KIF1B: variants seen among roughly 807,000 people sequenced by gnomAD.
The protein encoded by KIF1B is kinesin family member 1B, also known as kinesin-like protein KIF1B.
KIF1B carries 76 observed loss-of-function variants against 241.9 expected under a neutral mutation model. The observed-to-expected ratio is 0.31, with a 90% CI of 0.26 to 0.38. The LOEUF (loss-of-function observed/expected upper bound fraction) is 0.38, where lower values mean the gene tolerates loss of function less well. Among genes scored for constraint, KIF1B ranks in the 10% least tolerant of loss-of-function variants. The pLI, the probability that KIF1B is intolerant of heterozygous loss-of-function variation, is 1.00. For synonymous variants in KIF1B, 750 were observed against 796.7 expected (o/e 0.94, Z 0.99); for missense variants, 1,622 against 2,271.4 (o/e 0.71, Z 5.81).
Position 10,321,455 on chromosome 1 carries a change from AG to A in KIF1B, c.2210-253del, listed in dbSNP as rs529109741. Among the ~76,000 whole-genome samples the A allele has an allele frequency of 1.6e-4, 25 of 152,290 alleles. No homozygotes were observed. The South Asian group carries it at 5.2e-3, about 32-fold the overall frequency. ...CATGTTATACCTTTTTTTAAAAAAA[AG>A]AAAAATTTATTTCTTTGTTGTACTA... On this transcript the variant is annotated intron_variant, in intron 23 of 48. Coordinates refer to ENST00000676179, the MANE Select transcript of KIF1B (RefSeq NM_001365951.3).
At chr1:10,330,181 T>C (rs980214008) in intron 27 of KIF1B, among the ~76,000 whole-genome samples, 3 of 152,220 alleles carry the variant, frequency 2.0e-5, no homozygotes. Context: ...AGAGTAATTA[T>C]GAAAATTCTG....
chr1:10,365,300 G>T lies in KIF1B; in HGVS notation c.4512+55G>T. ...AGAACTCTCGGACAAGATTGCCAAAGTATCAGTCTTCCTCCCCGCTGCTGC... is the reference window on the plus strand; with the variant it reads ...AGAACTCTCGGACAAGATTGCCAAATTATCAGTCTTCCTCCCCGCTGCTGC... On this transcript the variant is annotated intron_variant, in intron 42 of 48. Transcript: ENST00000676179. The surrounding 1 kb of genome is among the most constrained non-coding windows in gnomAD (Gnocchi z 4.0). The T allele has an allele frequency of 6.2e-6, 10 of 1,613,266 alleles. No homozygotes were observed. The highest frequency in any genetic ancestry group is 8.5e-6 in the Non-Finnish European group (10 of 1,179,510).
chr1:10,341,804 A>C (rs558621652), intron 32 of KIF1B, among the ~76,000 whole-genome samples: 3 of 152,194 alleles, frequency 2.0e-5, no homozygotes, highest in African/African-American at 7.2e-5. Flanking sequence ...TACTGTCTCT[A>C]CAAAAAATTG....
At chr1:10,253,020 T>G (rs1231453389) in intron 2 of KIF1B, among the ~76,000 whole-genome samples, 1 of 152,150 alleles carries the variant, frequency 6.6e-6, no homozygotes, top group East Asian at 1.9e-4. Flanking sequence ...CCACTGTGCC[T>G]GGCCAATAAA....
rs773568203 is a variant in KIF1B at position 10,326,210 on chromosome 1, C to G, written c.2775C>G (p.Asp925Glu). ...ATTCCGACATCACTGAGCTGGCTGA[C>G]GAGCAGCAAGATGAGATGGAGGATT... Reference protein sequence around the residue: ...TADSDITELADEQQDEMEDFD... With the variant: ...TADSDITELAEEQQDEMEDFD... Residue 925 changes from aspartate (D) to glutamate (E), a missense_variant, in exon 27 of 49, where the codon GAC becomes GAG. Asp to Glu is a conservative substitution (Grantham distance 45). This residue lies in a region of KIF1B where 803 missense variants were observed against 1,112.0 expected (regional missense o/e 0.72). Coordinates refer to ENST00000676179, the MANE Select transcript of KIF1B (RefSeq NM_001365951.3). The surrounding 1 kb of genome is among the most constrained non-coding windows in gnomAD (Gnocchi z 5.2). 1.2e-6 allele frequency: 2 copies of G among 1,614,134 alleles called. No individual in the cohort carries two copies. Among genetic ancestry groups the G allele is most frequent in the South Asian group, 2.2e-5 (2 of 91,088 alleles).
At chr1:10,273,156 T>A in intron 10 of KIF1B, 125 bp downstream of exon 10, 1 of 680,194 alleles carries the variant, frequency 1.5e-6, no homozygotes, top group Non-Finnish European at 2.5e-6. Context: ...GTTCTCTGGC[T>A]CTGGAATTTA....
At chr1:10,305,662 G>A in intron 22 of KIF1B, 7 of 1,057,038 alleles carry the variant, frequency 6.6e-6, no homozygotes, top group Non-Finnish European at 8.0e-6. Flanking sequence ...TCTTTGGTTA[G>A]CATTAGTAAT....
At chr1:10,332,090 G>A (rs1425584115) in intron 27 of KIF1B, among the ~76,000 whole-genome samples, 4 of 149,992 alleles carry the variant, frequency 2.7e-5, no homozygotes, top group Non-Finnish European at 6.0e-5. Context: ...TTGAGACGAA[G>A]TCTTGCTCTT....
chr1:10,334,106 G>A (rs897043803), intron 27 of KIF1B, among the ~76,000 whole-genome samples: 4 of 139,388 alleles, frequency 2.9e-5, no homozygotes, highest in Admixed American at 7.9e-5. Flanking sequence ...AGCTGAGATC[G>A]TGCCACTGTA....
intron 5 of KIF1B, among the ~76,000 whole-genome samples, chr1:10,263,719 G>A (rs1648286959): frequency 1.3e-5 from 2 of 152,112 alleles, no homozygotes; most frequent in Admixed American, 1.3e-4. Context: ...TTTGAATCAG[G>A]TGATAGAATT....
intron 22 of KIF1B, chr1:10,306,819 T>C: frequency 9.8e-7 from 1 of 1,018,416 alleles, no homozygotes; most frequent in African/African-American, 1.7e-5. Context: ...GTTTCAACTC[T>C]GTAGCAAAAA....
Position 10,337,575 on chromosome 1 carries a change from C to A in KIF1B, c.3422+42C>A, listed in dbSNP as rs1339502689. 6.2e-7 allele frequency: 1 copy of A among 1,609,192 alleles called. No individual in the cohort carries two copies. The highest frequency in any genetic ancestry group is 1.1e-5 in the South Asian group (1 of 90,908). ...CTCTGCCTCCCAGCTAGCTGCTAAC[C>A]GAGGTGACATCTCTTGTGCACTGTA... On this transcript the variant is annotated intron_variant, in intron 31 of 48. Transcript: ENST00000676179. This position sits in a 1 kb window ranked among gnomAD's most constrained non-coding sequence, Gnocchi z 4.0.
chr1:10,315,830 T>A (rs1396480591), intron 22 of KIF1B, among the ~76,000 whole-genome samples: 2 of 150,614 alleles, frequency 1.3e-5, no homozygotes, highest in African/African-American at 2.5e-5. Context: ...CCGAGACGGG[T>A]GGATCACCTG....
Position 10,375,053 on chromosome 1 carries a change from CCT to C in KIF1B, c.5289+8_5289+9del. On this transcript the variant is annotated splice_region_variant and intron_variant, in intron 47 of 48. Transcript: ENST00000676179. ...CCAGCAGGCCATGGTGAAGGTCCGTCCTGCCCTGCCTTGGTTTCTTATTGCCA... is the reference window on the plus strand; with the variant it reads ...CCAGCAGGCCATGGTGAAGGTCCGTCGCCCTGCCTTGGTTTCTTATTGCCA... 1 of 1,613,984 alleles carries C rather than the reference CCT, an allele frequency of 6.2e-7. No individual in the cohort carries two copies. Among genetic ancestry groups the C allele is most frequent in the African/African-American group, 1.3e-5 (1 of 75,046 alleles).
At position 10,326,595 on chromosome 1, in the gene KIF1B, T is replaced by G. The variant is rs1043051376; in HGVS notation, c.2924+236T>G. 3.9e-5 allele frequency among the ~76,000 whole-genome samples: 6 copies of G among 152,224 alleles called. No homozygotes were observed. The highest frequency in any genetic ancestry group is 1.4e-4 in the African/African-American group (6 of 41,458). Reference sequence around the variant, plus strand: ...ACAATACGTAGCAATATATGAAGACTGCATGGAAGACACCTTGTCTTAAAT... The same window carrying G: ...ACAATACGTAGCAATATATGAAGACGGCATGGAAGACACCTTGTCTTAAAT... On this transcript the variant is annotated intron_variant, in intron 27 of 48. Transcript: ENST00000676179. The surrounding 1 kb of genome is among the most constrained non-coding windows in gnomAD (Gnocchi z 5.2).
chr1:10,249,600 T>C (rs1647327906), intron 2 of KIF1B, among the ~76,000 whole-genome samples: 1 of 152,138 alleles, frequency 6.6e-6, no homozygotes, highest in South Asian at 2.1e-4. Context: ...ACTTTGACTG[T>C]TGGCAAGAAA....
At position 10,378,227 on chromosome 1, in the gene KIF1B, C is replaced by T; in HGVS notation, c.*1640C>T. On this transcript the variant is annotated 3_prime_UTR_variant, in exon 49 of 49. Transcript: ENST00000676179. ...GGGCACGGATGAACGTCCAGGGAGC[C>T]CGGGCCCCAGGCTTTGTTGCGTGTT... The T allele has an allele frequency of 1.4e-6, 1 of 691,086 alleles. No homozygotes were observed. The highest frequency in any genetic ancestry group is 2.7e-5 in the East Asian group (1 of 37,058). The allele number at this position is 691,086 out of a possible 1,614,324, so 42.8% of individuals were successfully genotyped here.
In KIF1B at chr1:10,374,608, A is replaced by G. The variant is rs1355624436; in HGVS notation, c.5096+143A>G. On this transcript the variant is annotated intron_variant, in intron 46 of 48. Coordinates refer to ENST00000676179, the MANE Select transcript of KIF1B (RefSeq NM_001365951.3). This position sits in a 1 kb window ranked among gnomAD's most constrained non-coding sequence, Gnocchi z 4.3. ...TCTGATGCAAGTTGAGTCTGGGGTG[A>G]GAGGGCCAGCCTGGGTTTCTCCAGT... 22 of 1,086,608 alleles carry G rather than the reference A, an allele frequency of 2.0e-5. No individual in the cohort carries two copies. Among genetic ancestry groups the G allele is most frequent in the Non-Finnish European group, 2.9e-5 (21 of 724,562 alleles). 67.3% of individuals were successfully genotyped at this position (1,086,608 alleles called of 1,614,324 possible).
chr1:10,278,629 T>A (rs539412435), intron 13 of KIF1B: 15 of 191,436 alleles, frequency 7.8e-5, no homozygotes, highest in Non-Finnish European at 1.6e-4. Flanking sequence ...TGCCCCGTGC[T>A]GCCTATGAAC....
Sources: gnomAD v4.1 joint callset for allele counts (sites outside exome capture counted in the v4.1 genomes callset) on GRCh38, gnomAD v4.1.1 for gene constraint, gnomAD v4.1.1 regional missense constraint, Gnocchi (gnomAD v3.1) non-coding constraint, MANE v1.5 for transcripts, NCBI Gene and HGNC (gene_info 2026-07-23, HGNC 2026-07-21) for gene names.